The following DLGAP2 variants were observed in gnomAD, a reference collection of about 807,000 sequenced individuals.
DLGAP2 encodes the protein disks large-associated protein 2.
In DLGAP2, 26 loss-of-function variants were observed where a neutral mutation model predicts 100.3. The ratio of observed to expected loss-of-function variants is 0.26; its 90% CI spans 0.19 to 0.36. DLGAP2 has a LOEUF of 0.36. Ranked by LOEUF, DLGAP2 falls within the 10% of genes least tolerant of loss-of-function variation. DLGAP2 has a pLI of 1.00. For synonymous variants in DLGAP2, 886 were observed against 630.1 expected (o/e 1.41, Z -6.08); for missense variants, 1,858 against 1,453.2 (o/e 1.28, Z -4.53).
chr8:1,200,293 C>G (rs7015948), intron 2 of DLGAP2, among the ~76,000 whole-genome samples: 76,183 of 152,046 alleles, frequency 0.5, 19,260 homozygotes, highest in Middle Eastern at 0.64. Context: ...GCCTCTTGCT[C>G]CGGGGTCCTG....
chr8:820,330 A>C (rs1390086639), intron 1 of DLGAP2, among the ~76,000 whole-genome samples: 1 of 152,252 alleles, frequency 6.6e-6, no homozygotes, highest in Non-Finnish European at 1.5e-5. Context: ...CAGTGAAGGA[A>C]GGAACTGATA....
chr8:1,582,315 A>T (rs115177129), intron 6 of DLGAP2, among the ~76,000 whole-genome samples: 40,928 of 92,130 alleles, frequency 0.44, 8,986 homozygotes, highest in African/African-American at 0.58. Flanking sequence ...TAAAACCTTA[A>T]AAAAAAAAAA....
rs1217620373 is a variant in DLGAP2, at chr8:958,497, C to A, written c.73+50531C>A. ...GTGGGGATGAGAGATGGAAGCGGCT[C>A]ATTCAGACATCTTTCTGGAATAGTG... On this transcript the variant is annotated intron_variant, in intron 2 of 14. Transcript: ENST00000637795. 1.4e-5 allele frequency among the ~76,000 whole-genome samples: 2 copies of A among 146,172 alleles called. 1 individual carries two copies. The highest frequency in any genetic ancestry group is 3.0e-5 in the Non-Finnish European group (2 of 67,298).
At chr8:1,539,026 C>T (rs974265140) in intron 4 of DLGAP2, among the ~76,000 whole-genome samples, 7 of 151,896 alleles carry the variant, frequency 4.6e-5, no homozygotes, top group African/African-American at 1.7e-4. Context: ...GCTGGGATTA[C>T]AGGTGCACAC....
chr8:1,137,145 C>T lies in DLGAP2; in HGVS notation c.74-121706C>T, dbSNP rs185943327. 3.5e-4 allele frequency among the ~76,000 whole-genome samples: 53 copies of T among 152,256 alleles called. 1 individual carries two copies. Among genetic ancestry groups the T allele is most frequent in the African/African-American group, 1.2e-3 (51 of 41,560 alleles). Reference sequence around the variant, plus strand: ...CTCTTCCCAGCTTGCAGCGTGGCCTCCTCCTTGTGGCCTCCTCCCTGTGTG... The same window carrying T: ...CTCTTCCCAGCTTGCAGCGTGGCCTTCTCCTTGTGGCCTCCTCCCTGTGTG... On this transcript the variant is annotated intron_variant, in intron 2 of 14. Transcript: ENST00000637795.
At chr8:776,142 G>T (rs1360976574) in intron 1 of DLGAP2, among the ~76,000 whole-genome samples, 1 of 150,688 alleles carries the variant, frequency 6.6e-6, no homozygotes, top group Non-Finnish European at 1.5e-5. Flanking sequence ...TTGCATAGAG[G>T]TGTTTGTAGT....
At chr8:1,166,968 C>CA (rs143669691) in intron 2 of DLGAP2, among the ~76,000 whole-genome samples, 1 of 152,026 alleles carries the variant, frequency 6.6e-6, no homozygotes, top group African/African-American at 2.4e-5. Context: ...AACATCTCTG[C>CA]AAAAAATTTT....
At chr8:1,588,150 G>A (rs866976366) in intron 6 of DLGAP2, among the ~76,000 whole-genome samples, 4 of 152,282 alleles carry the variant, frequency 2.6e-5, no homozygotes, top group East Asian at 1.9e-4. Flanking sequence ...ATAGCCTTCA[G>A]AATGTCTAAC....
intron 3 of DLGAP2, chr8:1,379,537 T>G (rs1323061494): frequency 6.6e-6 from 1 of 152,282 alleles, no homozygotes; most frequent in African/African-American, 2.4e-5. Flanking sequence ...CTGTGTATAC[T>G]GAGGCGTCAT....
At chr8:1,466,300 C>T (rs993470174) in intron 3 of DLGAP2, among the ~76,000 whole-genome samples, 10 of 152,140 alleles carry the variant, frequency 6.6e-5, no homozygotes, top group Admixed American at 5.2e-4. Context: ...GCCAGGCAAC[C>T]TGAGCCAAGC....
At chr8:1,322,538 C>T (rs557986800) in intron 3 of DLGAP2, among the ~76,000 whole-genome samples, 1 of 152,202 alleles carries the variant, frequency 6.6e-6, no homozygotes, top group East Asian at 1.9e-4. Context: ...TGCACCCACC[C>T]AGCGTGCTGC....
At chr8:1,352,099 G>A (rs1394990009) in intron 3 of DLGAP2, among the ~76,000 whole-genome samples, 3 of 86,838 alleles carry the variant, frequency 3.5e-5, no homozygotes, top group African/African-American at 7.7e-5. Context: ...TGGAAAGGCC[G>A]TGCGGGTCCT....
In DLGAP2 at chr8:1,313,152, A is replaced by G. The variant is rs899806139; in HGVS notation, c.106+54269A>G. Among the ~76,000 whole-genome samples, 4 of 152,174 alleles carry G rather than the reference A, an allele frequency of 2.6e-5. No homozygotes were observed. In the East Asian group the frequency reaches 5.8e-4, roughly 22 times the overall value. On this transcript the variant is annotated intron_variant, in intron 3 of 14. Transcript: ENST00000637795. ...GTGACATTTACCTATGTCTGTTTAT[A>G]TAGACATAGAACATCACTGTAAAAC...
rs143966886 is a variant in DLGAP2 at position 1,010,443 on chromosome 8, C to G, written c.73+102477C>G. On this transcript the variant is annotated intron_variant, in intron 2 of 14. Transcript: ENST00000637795. The stretch of plus-strand genomic sequence containing the variant: ...ATGTGCCCACATATGCACACACATA[C>G]TCATATTCTCACATATGTGTGCACA... Among the ~76,000 whole-genome samples, 277 of 152,358 alleles carry G rather than the reference C, an allele frequency of 1.8e-3. 2 individuals carry two copies. The highest frequency in any genetic ancestry group is 6.4e-3 in the African/African-American group (266 of 41,578).
intron 3 of DLGAP2, among the ~76,000 whole-genome samples, chr8:1,390,141 A>C (rs957829040): frequency 4.0e-5 from 6 of 151,388 alleles, no homozygotes; most frequent in African/African-American, 1.2e-4. Flanking sequence ...TCCAAAAATC[A>C]GTAACTAAAT....
intron 1 of DLGAP2, among the ~76,000 whole-genome samples, chr8:856,999 G>A (rs1229448653): frequency 6.6e-6 from 1 of 152,226 alleles, no homozygotes; most frequent in Non-Finnish European, 1.5e-5. Flanking sequence ...TCAAGACAGT[G>A]TGGCACTGGT....
In DLGAP2 at chr8:980,855, G is replaced by A. The variant is rs545605175; in HGVS notation, c.73+72889G>A. On this transcript the variant is annotated intron_variant, in intron 2 of 14. Coordinates refer to ENST00000637795, the MANE Select transcript of DLGAP2 (RefSeq NM_001346810.2). The stretch of plus-strand genomic sequence containing the variant: ...AGGAGTGGACAACGGGCAGCAGTTA[G>A]GGAACACACAGGAACGCCTGGAATT... 6.2e-4 allele frequency among the ~76,000 whole-genome samples: 94 copies of A among 152,216 alleles called. 1 individual carries two copies. Among genetic ancestry groups the A allele is most frequent in the African/African-American group, 2.1e-3 (87 of 41,540 alleles).
At chr8:1,619,565 T>G (rs1361104507) in intron 6 of DLGAP2, 1 of 152,240 alleles carries the variant, frequency 6.6e-6, no homozygotes, top group East Asian at 1.9e-4. Flanking sequence ...ACCAGTTGTT[T>G]CTGAGACATC....
rs182174136 is a variant in DLGAP2, at chr8:1,674,574, C to T, written c.2203-1959C>T. Reference sequence around the variant, plus strand: ...ATTCTCCACATTTTTATGATAAAAACGAGTGTTCCTTTTACAAAATATCTT... The same window carrying T: ...ATTCTCCACATTTTTATGATAAAAATGAGTGTTCCTTTTACAAAATATCTT... On this transcript the variant is annotated intron_variant, in intron 10 of 14. Transcript: ENST00000637795. Among the ~76,000 whole-genome samples the T allele has an allele frequency of 1.6e-4, 25 of 152,224 alleles. No individual in the cohort carries two copies. In the East Asian group the frequency reaches 3.7e-3, roughly 22 times the overall value.
Sources: gnomAD v4.1 joint callset for allele counts (sites outside exome capture counted in the v4.1 genomes callset) on GRCh38, gnomAD v4.1.1 for gene constraint, MANE v1.5 for transcripts, NCBI Gene and HGNC (gene_info 2026-07-23, HGNC 2026-07-21) for gene names.